ARMC2: variants seen among roughly 807,000 people sequenced by gnomAD.
ARMC2 encodes the protein armadillo repeat-containing protein 2.
A neutral mutation model predicts 90.3 loss-of-function variants in ARMC2; 67 were observed. That is an observed-to-expected ratio of 0.74 (90% CI 0.61 to 0.91). ARMC2 has a LOEUF of 0.91. Among genes scored for constraint, ARMC2 ranks in the 40% least tolerant of loss-of-function variants. The pLI is 0.00. For synonymous variants in ARMC2, 393 were observed against 393.0 expected, an observed-to-expected ratio of 1.00 and a Z score of 0.00; for missense variants, 920 against 1,030.9, an observed-to-expected ratio of 0.89 and a Z score of 1.47.
intron 13 of ARMC2, among the ~76,000 whole-genome samples, chr6:108,954,690 T>A (rs1252740176): frequency 6.6e-6 from 1 of 152,228 alleles, no homozygotes; most frequent in Non-Finnish European, 1.5e-5. Context: ...AGGAAGCTAA[T>A]GTCTGACACA....
intron 11 of ARMC2, among the ~76,000 whole-genome samples, 187 bp downstream of exon 11, chr6:108,928,420 A>C (rs151128985): frequency 6.6e-6 from 1 of 152,288 alleles, no homozygotes; most frequent in East Asian, 1.9e-4. Flanking sequence ...CCCATTGTCT[A>C]TATGATTCTA....
chr6:108,947,622 G>A (rs1017372907), intron 12 of ARMC2, among the ~76,000 whole-genome samples: 1 of 152,090 alleles, frequency 6.6e-6, no homozygotes, highest in Non-Finnish European at 1.5e-5. Context: ...TGAGTAACTT[G>A]TTTGCTCATT....
chr6:108,872,415 C>T (rs557389816), intron 4 of ARMC2, among the ~76,000 whole-genome samples: 5 of 152,334 alleles, frequency 3.3e-5, no homozygotes, highest in Non-Finnish European at 7.3e-5. Flanking sequence ...AAGCCCTACA[C>T]GTGCTTCCTG....
intron 5 of ARMC2, among the ~76,000 whole-genome samples, chr6:108,878,863 A>G (rs991154325): frequency 1.3e-5 from 2 of 152,200 alleles, no homozygotes; most frequent in Non-Finnish European, 2.9e-5. Context: ...GCTGCCATTA[A>G]CAAAATGTGT....
chr6:108,889,844 T>G (rs538669906), intron 5 of ARMC2, among the ~76,000 whole-genome samples: 13 of 151,820 alleles, frequency 8.6e-5, no homozygotes, highest in Non-Finnish European at 1.9e-4. Flanking sequence ...TCTGTTGAAT[T>G]TCACATTCTA....
At chr6:109,023,159 C>T in the ARMC2 span, among the ~76,000 whole-genome samples, 4 of 152,208 alleles carry the variant, frequency 2.6e-5, no homozygotes, top group African/African-American at 9.7e-5. Flanking sequence ...TATCTTCTCC[C>T]TAATTACTGC....
intron 17 of ARMC2, among the ~76,000 whole-genome samples, chr6:108,970,494 C>CTTT (rs1156823883): frequency 8.9e-4 from 105 of 117,340 alleles, no homozygotes; most frequent in Non-Finnish European, 1.5e-3. Context: ...CTTCTCTTTT[C>CTTT]TTTTTTTTTT....
At chr6:108,909,244 A>G (rs538301273) in intron 8 of ARMC2, among the ~76,000 whole-genome samples, 5 of 152,308 alleles carry the variant, frequency 3.3e-5, no homozygotes, top group Middle Eastern at 3.4e-3. Flanking sequence ...ACAGTAGGTT[A>G]CAAATGTTTC....
At chr6:108,878,931 A>G (rs1237671850) in intron 5 of ARMC2, among the ~76,000 whole-genome samples, 1 of 151,858 alleles carries the variant, frequency 6.6e-6, no homozygotes, top group Non-Finnish European at 1.5e-5. Flanking sequence ...CCATCGACAT[A>G]TCTACCCATA....
At chr6:108,955,047 G>A (rs1777470870) in intron 13 of ARMC2, among the ~76,000 whole-genome samples, 1 of 152,130 alleles carries the variant, frequency 6.6e-6, no homozygotes, top group Non-Finnish European at 1.5e-5. Context: ...CTTCTTGTAA[G>A]GGTACCAGCT....
chr6:108,900,748 C>T (rs1202191444), intron 7 of ARMC2, among the ~76,000 whole-genome samples: 1 of 152,152 alleles, frequency 6.6e-6, no homozygotes, highest in Non-Finnish European at 1.5e-5. Context: ...CTGCTACTCG[C>T]CAAGCGTATG....
chr6:108,858,121 C>A, intron 2 of ARMC2, 78 bp from the exon 3 acceptor site: 1 of 1,134,980 alleles, frequency 8.8e-7, no homozygotes. Context: ...TGTTTTTTAG[C>A]TAGGGTTAAC....
the ARMC2 span, chr6:109,000,553 A>C: frequency 6.2e-7 from 1 of 1,611,414 alleles, no homozygotes; most frequent in Non-Finnish European, 8.5e-7. Flanking sequence ...AGTTCTCCTA[A>C]ATTCTGTAGT....
At chr6:109,052,799 T>C in the ARMC2 span, among the ~76,000 whole-genome samples, 1 of 152,194 alleles carries the variant, frequency 6.6e-6, no homozygotes, top group Non-Finnish European at 1.5e-5. Flanking sequence ...AGACAGAATA[T>C]TCCTTTAGTT....
chr6:108,930,980 G>A (rs1775519017), intron 11 of ARMC2, among the ~76,000 whole-genome samples: 1 of 150,296 alleles, frequency 6.7e-6, no homozygotes, highest in South Asian at 2.1e-4. Flanking sequence ...CTCATGTCAC[G>A]GGAGTTTGTT....
the ARMC2 span, among the ~76,000 whole-genome samples, chr6:108,983,397 A>C: frequency 6.6e-6 from 1 of 152,158 alleles, no homozygotes; most frequent in African/African-American, 2.4e-5. Context: ...CTAGTTTTAC[A>C]GTTGTCAGTC....
chr6:109,024,108 C>T, the ARMC2 span, among the ~76,000 whole-genome samples: 1 of 152,002 alleles, frequency 6.6e-6, no homozygotes, highest in South Asian at 2.1e-4. Context: ...TCTCATGAAT[C>T]TAGAACAAAT....
intron 3 of ARMC2, among the ~76,000 whole-genome samples, chr6:108,861,309 CT>C: frequency 6.6e-6 from 1 of 152,272 alleles, no homozygotes; most frequent in South Asian, 2.1e-4. Context: ...CACGCATGTG[CT>C]TGTATGTATG....
chr6:108,906,992 T>A (rs1474088018), intron 8 of ARMC2, among the ~76,000 whole-genome samples: 2 of 152,228 alleles, frequency 1.3e-5, no homozygotes, highest in Admixed American at 1.3e-4. Flanking sequence ...TGCATAAATG[T>A]AAGATTTTAT....
Sources: allele counts gnomAD v4.1 joint callset (sites outside exome capture counted in the v4.1 genomes callset), GRCh38; gene constraint gnomAD v4.1.1; transcripts MANE v1.5; gene names NCBI Gene and HGNC (gene_info 2026-07-23, HGNC 2026-07-21).